Variants in PARK7 observed in about 807,000 individuals in gnomAD.
PARK7 encodes the protein Parkinson disease protein 7.
PARK7 carries 14 observed loss-of-function variants against 20.5 expected under a neutral mutation model. The observed-to-expected ratio is 0.68, with a 90% CI of 0.45 to 1.07. The LOEUF is 1.07. PARK7 is among the 50% of genes least tolerant of loss of function. The pLI is 0.00. For synonymous variants in PARK7, 98 were observed against 84.3 expected (o/e 1.16, Z -0.89); for missense variants, 234 against 238.1 (o/e 0.98, Z 0.11).
chr1:7,969,066 A>G lies in PARK7; in HGVS notation c.193-279A>G, dbSNP rs41278958. 5.9e-3 allele frequency: 2,236 copies of G among 377,414 alleles called. 12 individuals are homozygous for G. Among genetic ancestry groups the G allele is most frequent in the Non-Finnish European group, 8.7e-3 (1,775 of 204,344 alleles). The allele number at this position is 377,414 out of a possible 1,614,324, so 23.4% of individuals were successfully genotyped here. On this transcript the variant is annotated intron_variant, in intron 3 of 6. Transcript: ENST00000338639. ...CGCATACATCTACACACAAATACAT[A>G]TATCCTTGTCTTTTACAGGAAGGAG...
At chr1:7,964,339 C>T (rs1003167520) in intron 2 of PARK7, among the ~76,000 whole-genome samples, 33 of 152,226 alleles carry the variant, frequency 2.2e-4, no homozygotes, top group African/African-American at 7.7e-4. Flanking sequence ...ATAATGTACC[C>T]ACATCACGTA....
intron 6 of PARK7, among the ~76,000 whole-genome samples, chr1:7,981,328 T>A (rs1239561824): frequency 6.6e-6 from 1 of 152,166 alleles, no homozygotes. Flanking sequence ...CTGAGTACTG[T>A]TTGTTTGCTA....
At chr1:7,971,007 G>T in intron 5 of PARK7, 44 bp downstream of exon 5, 1 of 1,601,448 alleles carries the variant, frequency 6.2e-7, no homozygotes, top group African/African-American at 1.3e-5. Context: ...ATTGGTGGGT[G>T]GGGTAGCCTT....
At chr1:7,977,444 C>T (rs1475346754) in intron 5 of PARK7, among the ~76,000 whole-genome samples, 1 of 152,132 alleles carries the variant, frequency 6.6e-6, no homozygotes, top group Non-Finnish European at 1.5e-5. Flanking sequence ...TTGAAGAATA[C>T]TTTGCTGTTG....
rs1435382083 is a variant in PARK7 at position 7,968,118 on chromosome 1, G to T, written c.193-1227G>T. Among the ~76,000 whole-genome samples the T allele has an allele frequency of 2.0e-5, 3 of 151,954 alleles. No individual in the cohort carries two copies. The East Asian group carries it at 5.8e-4, about 29-fold the overall frequency. ...AGGTCAGGAGTTTGAGACCAGCCTG[G>T]TCAAGAGGGTGAAACCCCATCTTTA... On this transcript the variant is annotated intron_variant, in intron 3 of 6. Coordinates refer to ENST00000338639, the MANE Select transcript of PARK7 (RefSeq NM_007262.5).
intron 6 of PARK7, chr1:7,982,933 G>GT (rs1640742002): frequency 6.6e-6 from 1 of 152,232 alleles, no homozygotes; most frequent in South Asian, 2.1e-4. Context: ...AGAACAAGGT[G>GT]TAACTGCCTG....
chr1:7,974,139 C>CCCG, intron 5 of PARK7, among the ~76,000 whole-genome samples: 1 of 146,360 alleles, frequency 6.8e-6, no homozygotes, highest in Non-Finnish European at 1.5e-5. Flanking sequence ...GTGAGACCCC[C>CCCG]CCACCGACCT....
chr1:7,983,241 C>T (rs1372219988), intron 6 of PARK7, among the ~76,000 whole-genome samples: 2 of 152,188 alleles, frequency 1.3e-5, no homozygotes, highest in Non-Finnish European at 1.5e-5. Context: ...TTCTCAGGTC[C>T]GCACTGAGCG....
intron 4 of PARK7, among the ~76,000 whole-genome samples, chr1:7,970,499 G>T (rs549926426): frequency 1.3e-5 from 2 of 152,172 alleles, no homozygotes; most frequent in Non-Finnish European, 1.5e-5. Flanking sequence ...CAGAGTTGGG[G>T]CTGCCAGAAG....
At chr1:7,977,053 C>CA (rs971973672) in intron 5 of PARK7, among the ~76,000 whole-genome samples, 3 of 152,028 alleles carry the variant, frequency 2.0e-5, no homozygotes, top group African/African-American at 7.2e-5. Context: ...AATAAGATTA[C>CA]AAAAGAGCAA....
At chr1:7,966,767 A>G (rs1640339434) in intron 3 of PARK7, among the ~76,000 whole-genome samples, 1 of 152,112 alleles carries the variant, frequency 6.6e-6, no homozygotes, top group South Asian at 2.1e-4. Context: ...TTGTCATATG[A>G]TGTCTGGGCA....
At chr1:7,975,522 C>T (rs1383726210) in intron 5 of PARK7, among the ~76,000 whole-genome samples, 2 of 152,184 alleles carry the variant, frequency 1.3e-5, no homozygotes, top group Admixed American at 6.5e-5. Flanking sequence ...GAGTACAGAG[C>T]GTTTTCATCC....
In PARK7 at chr1:7,984,767, A is replaced by G; in HGVS notation, c.410-127A>G. 8.6e-7 allele frequency: 1 copy of G among 1,169,340 alleles called. No homozygotes were observed. The allele number at this position is 1,169,340 out of a possible 1,614,324, so 72.4% of individuals were successfully genotyped here. A position where few individuals can be genotyped will look rare whatever the true frequency, so the allele number is the denominator to read the frequency against. On this transcript the variant is annotated intron_variant, in intron 6 of 6. Coordinates refer to ENST00000338639, the MANE Select transcript of PARK7 (RefSeq NM_007262.5). This position sits in a 1 kb window ranked among gnomAD's most constrained non-coding sequence, Gnocchi z 4.3. ...TTCTAAGAGCTTGGAGTGCCTAGTA[A>G]ATGTTTTTGAATGGTTAGCTACAGT...
At chr1:7,981,165 T>C (rs1055517868) in intron 6 of PARK7, among the ~76,000 whole-genome samples, 13 of 152,198 alleles carry the variant, frequency 8.5e-5, no homozygotes, top group African/African-American at 3.1e-4. Context: ...CATCGTGGGG[T>C]GGCCCTCAGC....
intron 3 of PARK7, chr1:7,969,013 G>A (rs1640392562): frequency 4.4e-6 from 1 of 226,896 alleles, no homozygotes; most frequent in Non-Finnish European, 8.8e-6. Flanking sequence ...ATGTGGGGTG[G>A]GGTGCTTGTG....
At chr1:7,974,994 T>G (rs1439706369) in intron 5 of PARK7, among the ~76,000 whole-genome samples, 1 of 152,018 alleles carries the variant, frequency 6.6e-6, no homozygotes, top group Non-Finnish European at 1.5e-5. Context: ...TAGCTAGAAT[T>G]ACAGGCACCT....
At chr1:7,980,374 G>C (rs1345521650) in intron 6 of PARK7, among the ~76,000 whole-genome samples, 2 of 152,114 alleles carry the variant, frequency 1.3e-5, no homozygotes, top group African/African-American at 2.4e-5. Flanking sequence ...TGTTGCATCT[G>C]TTTTCCTTTA....
At chr1:7,977,875 T>C in intron 6 of PARK7, 137 bp downstream of exon 6, 1 of 721,386 alleles carries the variant, frequency 1.4e-6, no homozygotes. Context: ...TTCTTCTCTC[T>C]CAGCCTCCTG....
Position 7,962,566 on chromosome 1 carries a change from C to T in PARK7, c.-23-197C>T, listed in dbSNP as rs1640229977. Among the ~76,000 whole-genome samples, 3 of 152,098 alleles carry T rather than the reference C, an allele frequency of 2.0e-5. 1 individual carries two copies. In the South Asian group the frequency reaches 6.2e-4, roughly 32 times the overall value. ...TAGCACCCTCATTATGTTTTCATCT[C>T]AGAGCAATTAAAACTGCTATACAAA... On this transcript the variant is annotated intron_variant, in intron 1 of 6. Coordinates refer to ENST00000338639, the MANE Select transcript of PARK7 (RefSeq NM_007262.5).
Sources: gnomAD v4.1 joint callset for allele counts (sites outside exome capture counted in the v4.1 genomes callset) on GRCh38, gnomAD v4.1.1 for gene constraint, Gnocchi (gnomAD v3.1) non-coding constraint, MANE v1.5 for transcripts, NCBI Gene and HGNC (gene_info 2026-07-23, HGNC 2026-07-21) for gene names.